The following CDK17 variants were observed in gnomAD, a reference collection of about 807,000 sequenced individuals.
CDK17 encodes the protein cyclin-dependent kinase 17.
CDK17 carries 24 observed loss-of-function variants against 77.6 expected under a neutral mutation model. The ratio of observed to expected loss-of-function variants is 0.31; its 90% confidence interval spans 0.22 to 0.44. The LOEUF (loss-of-function observed/expected upper bound fraction) is 0.44, where lower values mean the gene tolerates loss of function less well. Among genes scored for constraint, CDK17 ranks in the 20% least tolerant of loss-of-function variants. The probability of loss-of-function intolerance (pLI) is 1.00; values close to 1 mark genes in which losing one functional copy is unlikely to be tolerated. For missense variants in CDK17, 429 were observed against 622.5 expected (o/e 0.69, Z 3.31); for synonymous variants, 203 against 210.4 (o/e 0.96, Z 0.30).
At chr12:96,299,066 G>C (rs1952457514) in intron 6 of CDK17, 83 bp from the exon 7 acceptor site, 1 of 640,152 alleles carries the variant, frequency 1.6e-6, no homozygotes, top group Admixed American at 3.1e-5. Flanking sequence ...AGCTCTACCT[G>C]AATTTCTAGT....
intron 1 of CDK17, chr12:96,387,002 A>G (rs1426067647): frequency 3.2e-6 from 1 of 311,088 alleles, no homozygotes; most frequent in Non-Finnish European, 6.5e-6. Flanking sequence ...GTAGAGTAAA[A>G]TATCTAATGT....
intron 9 of CDK17, among the ~76,000 whole-genome samples, chr12:96,296,468 A>G (rs1469672433): frequency 6.6e-6 from 1 of 152,242 alleles, no homozygotes; most frequent in Non-Finnish European, 1.5e-5. Flanking sequence ...GCTCTCCTTT[A>G]TAACCACCAA....
intron 5 of CDK17, among the ~76,000 whole-genome samples, chr12:96,309,145 T>C (rs1952615419): frequency 6.6e-6 from 1 of 152,202 alleles, no homozygotes; most frequent in Non-Finnish European, 1.5e-5. Flanking sequence ...GTCCTGTCCG[T>C]TCAAGCCATA....
At chr12:96,316,189 G>C (rs1952713984) in intron 3 of CDK17, among the ~76,000 whole-genome samples, 1 of 152,104 alleles carries the variant, frequency 6.6e-6, no homozygotes, top group African/African-American at 2.4e-5. Flanking sequence ...CAAAGAAAGG[G>C]GTGACGGACG....
intron 13 of CDK17, chr12:96,284,452 C>G (rs1952220248): frequency 7.7e-6 from 1 of 129,438 alleles, no homozygotes. Context: ...AAGAGCGAGA[C>G]TCTGTCTCCC....
chr12:96,338,455 C>T (rs1401230940), intron 1 of CDK17, among the ~76,000 whole-genome samples: 1 of 152,170 alleles, frequency 6.6e-6, no homozygotes, highest in African/African-American at 2.4e-5. Flanking sequence ...ACGCACACTC[C>T]AAGAAATCTA....
At chr12:96,281,167 C>T (rs1399193723) in intron 15 of CDK17, among the ~76,000 whole-genome samples, 1 of 152,152 alleles carries the variant, frequency 6.6e-6, no homozygotes, top group Non-Finnish European at 1.5e-5. Flanking sequence ...TGTTCCAGGA[C>T]TTTCTGGGGT....
At chr12:96,340,963 T>C (rs749183748) in intron 1 of CDK17, among the ~76,000 whole-genome samples, 2 of 152,132 alleles carry the variant, frequency 1.3e-5, no homozygotes, top group Non-Finnish European at 2.9e-5. Flanking sequence ...TAGTACCCAA[T>C]AGGTAGTTTT....
At chr12:96,367,921 A>G (rs1181499856) in intron 1 of CDK17, among the ~76,000 whole-genome samples, 1 of 152,082 alleles carries the variant, frequency 6.6e-6, no homozygotes, top group Admixed American at 6.6e-5. Context: ...GGAGGCCTAA[A>G]TTTACCAAAA....
intron 4 of CDK17, among the ~76,000 whole-genome samples, chr12:96,312,886 CTGTT>C (rs1400546426): frequency 1.3e-5 from 2 of 152,180 alleles, no homozygotes; most frequent in Admixed American, 6.5e-5. Flanking sequence ...GAAAAAAAAG[CTGTT>C]TATTTATACC....
intron 1 of CDK17, among the ~76,000 whole-genome samples, chr12:96,396,132 T>C (rs1196716713): frequency 6.6e-6 from 1 of 152,198 alleles, no homozygotes; most frequent in East Asian, 1.9e-4. Flanking sequence ...ACGGTAACAT[T>C]ACTTATTAGA....
chr12:96,339,507 G>A (rs1953092755), intron 1 of CDK17, among the ~76,000 whole-genome samples: 1 of 151,734 alleles, frequency 6.6e-6, no homozygotes, highest in Admixed American at 6.6e-5. Context: ...CTTAAAAATG[G>A]TAAAGATAGT....
intron 5 of CDK17, among the ~76,000 whole-genome samples, chr12:96,301,421 AAG>A (rs1312458975): frequency 6.6e-6 from 1 of 152,096 alleles, no homozygotes; most frequent in Non-Finnish European, 1.5e-5. Flanking sequence ...TAAAATGAAA[AAG>A]AAAAAACCTT....
chr12:96,388,291 T>C (rs375669769), intron 1 of CDK17, among the ~76,000 whole-genome samples: 5 of 152,324 alleles, frequency 3.3e-5, no homozygotes, highest in Non-Finnish European at 5.9e-5. Flanking sequence ...CTTACAGATA[T>C]GCTTACAAAA....
chr12:96,330,068 T>C (rs984678242), intron 2 of CDK17, among the ~76,000 whole-genome samples: 3 of 152,230 alleles, frequency 2.0e-5, no homozygotes, highest in Admixed American at 6.5e-5. Context: ...GTAGTATATG[T>C]GCAATAAAAC....
intron 5 of CDK17, among the ~76,000 whole-genome samples, chr12:96,304,392 C>T (rs1355227212): frequency 6.6e-6 from 1 of 152,150 alleles, no homozygotes; most frequent in Non-Finnish European, 1.5e-5. Context: ...CAAAAATTAG[C>T]TGGGTGTGGT....
At chr12:96,323,261 C>T (rs890878998) in intron 3 of CDK17, among the ~76,000 whole-genome samples, 11 of 139,658 alleles carry the variant, frequency 7.9e-5, no homozygotes, top group African/African-American at 2.9e-4. Context: ...AGTGAGACCC[C>T]GTCTTCTAAA....
At chr12:96,323,674 C>A (rs974370606) in intron 3 of CDK17, among the ~76,000 whole-genome samples, 1 of 152,082 alleles carries the variant, frequency 6.6e-6, no homozygotes, top group African/African-American at 2.4e-5. Flanking sequence ...AAAATAAACA[C>A]CATCCCAAAC....
chr12:96,384,103 A>G (rs1953931115), intron 1 of CDK17, among the ~76,000 whole-genome samples: 2 of 152,316 alleles, frequency 1.3e-5, no homozygotes, highest in Non-Finnish European at 1.5e-5. Flanking sequence ...ACATGAACAG[A>G]CATTTCTCAA....
Sources: gnomAD v4.1 joint callset for allele counts (sites outside exome capture counted in the v4.1 genomes callset) on GRCh38, gnomAD v4.1.1 for gene constraint, MANE v1.5 for transcripts, NCBI Gene and HGNC (gene_info 2026-07-23, HGNC 2026-07-21) for gene names.